KIRREL3: variants seen among roughly 807,000 people sequenced by gnomAD.
KIRREL3 encodes the protein kirre like nephrin family adhesion molecule 3, also known as kin of IRRE-like protein 3.
Under a neutral mutation model 89.7 loss-of-function variants are expected in KIRREL3, and 36 were observed. The ratio of observed to expected loss-of-function variants is 0.40; its 90% CI spans 0.31 to 0.53. The LOEUF (loss-of-function observed/expected upper bound fraction) is 0.53. Ranked by LOEUF, KIRREL3 falls within the 20% of genes least tolerant of loss-of-function variation. The pLI is 0.49. For missense variants in KIRREL3, 864 were observed against 1,056.6 expected (o/e 0.82, Z 2.53); for synonymous variants, 445 against 441.4 (o/e 1.01, Z -0.10).
rs1170215277 is a variant in KIRREL3, at chr11:126,484,477, G to C, written c.434-11011C>G. 6.6e-6 allele frequency among the ~76,000 whole-genome samples: 1 copy of C among 152,210 alleles called. No homozygotes were observed. Among genetic ancestry groups the C allele is most frequent in the Non-Finnish European group, 1.5e-5 (1 of 68,040 alleles). The stretch of plus-strand genomic sequence containing the variant: ...ATGACGATGCATATTTTGGAGGTGA[G>C]GAAACAGCCACAAAGTAGTCAAGTT... On this transcript the variant is annotated intron_variant, in intron 4 of 16. Transcript: ENST00000525144. The surrounding 1 kb of genome is among the most constrained non-coding windows in gnomAD (Gnocchi z 5.2).
intron 1 of KIRREL3, among the ~76,000 whole-genome samples, chr11:126,958,397 A>AG (rs1210931752): frequency 6.6e-6 from 1 of 152,164 alleles, no homozygotes; most frequent in African/African-American, 2.4e-5. Flanking sequence ...CCTCTGGCCC[A>AG]GGGGGGCCCT....
chr11:126,461,666 G>A (rs1956547618), intron 6 of KIRREL3, among the ~76,000 whole-genome samples: 1 of 152,046 alleles, frequency 6.6e-6, no homozygotes, highest in African/African-American at 2.4e-5. Context: ...AATCTAAATG[G>A]TGTCTGTCAG....
At chr11:126,630,478 T>C (rs1384405032) in intron 1 of KIRREL3, among the ~76,000 whole-genome samples, 1 of 152,226 alleles carries the variant, frequency 6.6e-6, no homozygotes, top group Non-Finnish European at 1.5e-5. Flanking sequence ...ATTTGTTCAC[T>C]ATGAAGACCT....
rs1372859910 is a variant in KIRREL3, at chr11:126,748,170, G to A, written c.56-185258C>T. ...TCCAGTGACTTCAGAGGTGGCCCAG[G>A]GCCCATCATTTGGGGGCAAGAAGCT... On this transcript the variant is annotated intron_variant, in intron 1 of 16. Coordinates refer to ENST00000525144, the MANE Select transcript of KIRREL3 (RefSeq NM_032531.4). The surrounding 1 kb of genome is among the most constrained non-coding windows in gnomAD (Gnocchi z 4.6). Among the ~76,000 whole-genome samples, 1 of 152,124 alleles carries A rather than the reference G, an allele frequency of 6.6e-6. No homozygotes were observed. The highest frequency in any genetic ancestry group is 1.5e-5 in the Non-Finnish European group (1 of 68,032).
At chr11:126,451,699 A>T (rs1956178679) in intron 7 of KIRREL3, among the ~76,000 whole-genome samples, 1 of 149,646 alleles carries the variant, frequency 6.7e-6, no homozygotes, top group Non-Finnish European at 1.5e-5. Flanking sequence ...TGCACGTGTG[A>T]GTGTGTGCAT....
rs1205158535 is a variant in KIRREL3, at chr11:126,704,644, G to A, written c.56-141732C>T. 2.0e-5 allele frequency among the ~76,000 whole-genome samples: 3 copies of A among 152,162 alleles called. No individual in the cohort carries two copies. Among genetic ancestry groups the A allele is most frequent in the Admixed American group, 2.0e-4 (3 of 15,282 alleles). On this transcript the variant is annotated intron_variant, in intron 1 of 16. Transcript: ENST00000525144. The surrounding 1 kb of genome is among the most constrained non-coding windows in gnomAD (Gnocchi z 4.2). Reference sequence around the variant, plus strand: ...ACAGGGCTCTATTTTTGGATGTCTTGGTTCTCATGAGTTGTGGCTAAGTGA... The same window carrying A: ...ACAGGGCTCTATTTTTGGATGTCTTAGTTCTCATGAGTTGTGGCTAAGTGA...
chr11:126,571,836 C>A lies in KIRREL3; in HGVS notation c.56-8924G>T, dbSNP rs1410496011. Among the ~76,000 whole-genome samples, 1 of 152,156 alleles carries A rather than the reference C, an allele frequency of 6.6e-6. No individual in the cohort carries two copies. The highest frequency in any genetic ancestry group is 1.5e-5 in the Non-Finnish European group (1 of 68,042). Reference sequence around the variant, plus strand: ...AGTTTTATCCCATGTGCAAGGATGCCTCAGCCCGTCTCTGATTTAACGTAT... The same window carrying A: ...AGTTTTATCCCATGTGCAAGGATGCATCAGCCCGTCTCTGATTTAACGTAT... On this transcript the variant is annotated intron_variant, in intron 1 of 16. Transcript: ENST00000525144. This position sits in a 1 kb window ranked among gnomAD's most constrained non-coding sequence, Gnocchi z 7.7.
At position 126,620,946 on chromosome 11, in the gene KIRREL3, G is replaced by A. The variant is rs1338993819; in HGVS notation, c.56-58034C>T. 6.6e-6 allele frequency among the ~76,000 whole-genome samples: 1 copy of A among 152,164 alleles called. No homozygotes were observed. Among genetic ancestry groups the A allele is most frequent in the Non-Finnish European group, 1.5e-5 (1 of 68,026 alleles). On this transcript the variant is annotated intron_variant, in intron 1 of 16. Transcript: ENST00000525144. This position sits in a 1 kb window ranked among gnomAD's most constrained non-coding sequence, Gnocchi z 4.8. ...TCTTCTCTGGACTCATAGGTCTTTG[G>A]AACTGACCTGTGTGCCTGACTTGCA... is the stretch of plus-strand genomic sequence containing the variant.
At position 126,614,106 on chromosome 11, in the gene KIRREL3, G is replaced by A. The variant is rs1380653310; in HGVS notation, c.56-51194C>T. Among the ~76,000 whole-genome samples the A allele has an allele frequency of 6.6e-6, 1 of 152,096 alleles. No homozygotes were observed. Among genetic ancestry groups the A allele is most frequent in the East Asian group, 1.9e-4 (1 of 5,194 alleles). ...GTGGCATTTTGACATCACATTTTAAGACAGGGTACAGATGTAAGTGGGGAG... is the reference window on the plus strand; with the variant it reads ...GTGGCATTTTGACATCACATTTTAAAACAGGGTACAGATGTAAGTGGGGAG... On this transcript the variant is annotated intron_variant, in intron 1 of 16. Transcript: ENST00000525144. The surrounding 1 kb of genome is among the most constrained non-coding windows in gnomAD (Gnocchi z 4.6).
At chr11:126,499,461 C>T (rs946779435) in intron 4 of KIRREL3, among the ~76,000 whole-genome samples, 2 of 152,282 alleles carry the variant, frequency 1.3e-5, no homozygotes, top group Admixed American at 6.5e-5. Flanking sequence ...CTGGGACCCT[C>T]GGATCAGGCG....
intron 1 of KIRREL3, among the ~76,000 whole-genome samples, chr11:126,874,267 C>T (rs1310427701): frequency 6.6e-6 from 1 of 152,222 alleles, no homozygotes; most frequent in Non-Finnish European, 1.5e-5. Flanking sequence ...TCAAAAGTCC[C>T]TTCCCTTGAG....
intron 1 of KIRREL3, among the ~76,000 whole-genome samples, chr11:126,850,967 A>G (rs1387870220): frequency 6.6e-6 from 1 of 152,192 alleles, no homozygotes; most frequent in African/African-American, 2.4e-5. Context: ...CTTAACTCCA[A>G]TCAAGTAAGA....
chr11:126,752,637 C>G lies in KIRREL3; in HGVS notation c.56-189725G>C, dbSNP rs1276850025. Among the ~76,000 whole-genome samples the G allele has an allele frequency of 6.6e-6, 1 of 151,848 alleles. No individual in the cohort carries two copies. Among genetic ancestry groups the G allele is most frequent in the African/African-American group, 2.4e-5 (1 of 41,428 alleles). On this transcript the variant is annotated intron_variant, in intron 1 of 16. Transcript: ENST00000525144. This position sits in a 1 kb window ranked among gnomAD's most constrained non-coding sequence, Gnocchi z 4.8. Reference sequence around the variant, plus strand: ...CACTCTAATGACTACTATTCCCCCCCCACCCACTGCCTCCCAAGATTCACA... The same window carrying G: ...CACTCTAATGACTACTATTCCCCCCGCACCCACTGCCTCCCAAGATTCACA...
rs1295486899 is a variant in KIRREL3, at chr11:126,513,983, G to C, written c.433+7332C>G. On this transcript the variant is annotated intron_variant, in intron 4 of 16. Transcript: ENST00000525144. This position sits in a 1 kb window ranked among gnomAD's most constrained non-coding sequence, Gnocchi z 5.9. ...TCACTTTATCACCTGCCCAGCAGGT[G>C]AGCTCCGAGTTAGATGGGAGGCTAA... Among the ~76,000 whole-genome samples the C allele has an allele frequency of 6.6e-6, 1 of 152,162 alleles. No homozygotes were observed. Among genetic ancestry groups the C allele is most frequent in the Non-Finnish European group, 1.5e-5 (1 of 68,036 alleles).
In KIRREL3 at chr11:126,491,045, C is replaced by T. The variant is rs1348888618; in HGVS notation, c.434-17579G>A. Among the ~76,000 whole-genome samples, 3 of 152,274 alleles carry T rather than the reference C, an allele frequency of 2.0e-5. No homozygotes were observed. In the East Asian group the frequency reaches 5.8e-4, roughly 29 times the overall value. On this transcript the variant is annotated intron_variant, in intron 4 of 16. Coordinates refer to ENST00000525144, the MANE Select transcript of KIRREL3 (RefSeq NM_032531.4). This position sits in a 1 kb window ranked among gnomAD's most constrained non-coding sequence, Gnocchi z 5.5. ...CTCTGTCTGGATTTTGGGTCCATCC[C>T]GTAGTGGAAAGGGGTCCTATGTGAA...
chr11:126,693,529 C>T (rs758119707), intron 1 of KIRREL3, among the ~76,000 whole-genome samples: 8 of 151,984 alleles, frequency 5.3e-5, no homozygotes, highest in Non-Finnish European at 1.0e-4. Context: ...GCCGGCATGC[C>T]GTAAAAGCGT....
rs770569161 is a variant in KIRREL3 at position 126,729,509 on chromosome 11, C to T, written c.56-166597G>A. On this transcript the variant is annotated intron_variant, in intron 1 of 16. Transcript: ENST00000525144. The surrounding 1 kb of genome is among the most constrained non-coding windows in gnomAD (Gnocchi z 4.5). ...AGTCAAAGGGTCAATAGGTGCTTCT[C>T]CTTTGCAGCCTCAGGGAGTGATTAC... Among the ~76,000 whole-genome samples the T allele has an allele frequency of 6.6e-6, 1 of 152,188 alleles. No individual in the cohort carries two copies. Among genetic ancestry groups the T allele is most frequent in the Non-Finnish European group, 1.5e-5 (1 of 68,028 alleles).
In KIRREL3 at chr11:126,788,629, T is replaced by C. The variant is rs949146933; in HGVS notation, c.55+211826A>G. On this transcript the variant is annotated intron_variant, in intron 1 of 16. Coordinates refer to ENST00000525144, the MANE Select transcript of KIRREL3 (RefSeq NM_032531.4). This position sits in a 1 kb window ranked among gnomAD's most constrained non-coding sequence, Gnocchi z 4.1. ...AGGCTGTGCTGCAGTTGCTATGTCT[T>C]GGGTTAAAAGTCTGTTTAGCCTCAC... Among the ~76,000 whole-genome samples, 2 of 152,180 alleles carry C rather than the reference T, an allele frequency of 1.3e-5. No individual in the cohort carries two copies. Among genetic ancestry groups the C allele is most frequent in the African/African-American group, 2.4e-5 (1 of 41,454 alleles).
chr11:126,591,846 T>C lies in KIRREL3; in HGVS notation c.56-28934A>G, dbSNP rs1171149427. Among the ~76,000 whole-genome samples the C allele has an allele frequency of 2.0e-5, 3 of 152,196 alleles. No homozygotes were observed. The East Asian group carries it at 5.8e-4, about 29-fold the overall frequency. On this transcript the variant is annotated intron_variant, in intron 1 of 16. Transcript: ENST00000525144. ...TGAAGTTCAGAAAGTTTAAGTAACT[T>C]ACACTTGGCCACTAAGCAGGAAGTC... is the stretch of plus-strand genomic sequence containing the variant.
Sources: allele counts gnomAD v4.1 joint callset (sites outside exome capture counted in the v4.1 genomes callset), GRCh38; gene constraint gnomAD v4.1.1; non-coding constraint Gnocchi (gnomAD v3.1); transcripts MANE v1.5; gene names NCBI Gene and HGNC (gene_info 2026-07-23, HGNC 2026-07-21).